MEIOC: variants seen among roughly 807,000 people sequenced by gnomAD.
MEIOC encodes the protein meiosis specific with coiled-coil domain, also known as meiosis-specific coiled-coil domain-containing protein MEIOC.
Under a neutral mutation model 85.3 loss-of-function variants are expected in MEIOC, and 9 were observed. That is an observed-to-expected ratio of 0.11 (90% CI 0.06 to 0.18). MEIOC has a LOEUF of 0.18. Ranked by LOEUF, MEIOC falls within the 10% of genes least tolerant of loss-of-function variation. The pLI is 1.00. For synonymous variants in MEIOC, 365 were observed against 393.7 expected, an observed-to-expected ratio of 0.93 and a Z score of 0.86; for missense variants, 898 against 1,129.4, an observed-to-expected ratio of 0.80 and a Z score of 2.94.
rs1244153135 is a variant in MEIOC, at chr17:44,656,584, C to T, written c.-30C>T. On this transcript the variant is annotated 5_prime_UTR_variant, in exon 1 of 8. Coordinates refer to ENST00000409122, the MANE Select transcript of MEIOC (RefSeq NM_001145080.3). Reference sequence around the variant, plus strand: ...TCACCCCCGTACCCCAGGAGCTGTGCCTAGTCCAGGAGAGGCTGGGGGGCG... The same window carrying T: ...TCACCCCCGTACCCCAGGAGCTGTGTCTAGTCCAGGAGAGGCTGGGGGGCG... The T allele has an allele frequency of 1.1e-5, 16 of 1,439,378 alleles. No individual in the cohort carries two copies. Among genetic ancestry groups the T allele is most frequent in the Non-Finnish European group, 1.5e-5 (16 of 1,091,302 alleles). 89.2% of individuals were successfully genotyped at this position (1,439,378 alleles called of 1,614,324 possible). A position where few individuals can be genotyped will look rare whatever the true frequency, so the allele number is the denominator to read the frequency against.
intron 5 of MEIOC, 79 bp downstream of exon 5, chr17:44,668,312 A>G (rs1177599388): frequency 2.4e-6 from 3 of 1,253,808 alleles, no homozygotes; most frequent in East Asian, 4.6e-5. Context: ...AGTGTAGTGT[A>G]AGAGTACTTG....
At position 44,668,140 on chromosome 17, in the gene MEIOC, A is replaced by C; in HGVS notation, c.2229A>C (p.Pro743=). 2.5e-6 allele frequency: 4 copies of C among 1,613,990 alleles called. No individual in the cohort carries two copies. Among genetic ancestry groups the C allele is most frequent in the Non-Finnish European group, 3.4e-6 (4 of 1,179,866 alleles). The change falls in exon 5 of 8, where the codon CCA becomes CCC. Residue 743 remains proline (P), a synonymous_variant. Transcript: ENST00000409122. ...GLMPTFGFQR[P]IKTRSGPASE... ...TGCCAACTTTTGGATTTCAAAGACC[A>C]ATTAAAACCCGTAGTGGACCAGCCA...
chr17:44,676,640 G>A (rs1037513306), downstream of MEIOC, among the ~76,000 whole-genome samples: 4 of 152,208 alleles, frequency 2.6e-5, no homozygotes, highest in Middle Eastern at 3.4e-3. Context: ...GGCTAACACG[G>A]TGAAACCCCA....
intron 6 of MEIOC, 167 bp downstream of exon 6, chr17:44,669,684 A>C: frequency 1.7e-6 from 1 of 596,956 alleles, no homozygotes; most frequent in East Asian, 3.1e-5. Context: ...TTATGGTGAA[A>C]CCCCGTCTCT....
intron 5 of MEIOC, among the ~76,000 whole-genome samples, 187 bp from the exon 6 acceptor site, chr17:44,669,196 C>G (rs895662332): frequency 6.6e-6 from 1 of 151,736 alleles, no homozygotes; most frequent in Non-Finnish European, 1.5e-5. Flanking sequence ...GAGTGAGACT[C>G]CATCTGAAAA....
Position 44,675,187 on chromosome 17 carries a change from G to T in MEIOC, c.*991G>T, listed in dbSNP as rs1972059453. The T allele has an allele frequency of 1.0e-6, 1 of 984,484 alleles. No individual in the cohort carries two copies. The highest frequency in any genetic ancestry group is 1.2e-6 in the Non-Finnish European group (1 of 829,670). The allele number at this position is 984,484 out of a possible 1,614,324, so 61.0% of individuals were successfully genotyped here. On this transcript the variant is annotated 3_prime_UTR_variant, in exon 8 of 8. Transcript: ENST00000409122. ...AAGTTCTAAAATGTATTTTTTAAAG[G>T]TTAATCTCTAACTAGTTTAGCTTGC...
intron 5 of MEIOC, 80 bp from the exon 6 acceptor site, chr17:44,669,303 T>G (rs1172389587): frequency 8.6e-7 from 1 of 1,167,168 alleles, no homozygotes; most frequent in East Asian, 2.6e-5. Context: ...ACTCTATTTA[T>G]TAGGCTTACG....
At chr17:44,668,627 G>A (rs945866275) in intron 5 of MEIOC, among the ~76,000 whole-genome samples, 5 of 152,086 alleles carry the variant, frequency 3.3e-5, no homozygotes, top group Admixed American at 6.6e-5. Context: ...CACTGCACCC[G>A]GCTAACTTGC....
At chr17:44,669,252 T>G in intron 5 of MEIOC, 131 bp from the exon 6 acceptor site, 1 of 717,680 alleles carries the variant, frequency 1.4e-6, no homozygotes, top group Non-Finnish European at 2.3e-6. Flanking sequence ...ACATTTGTTG[T>G]CTTTTGATAC....
chr17:44,676,747 G>T (rs532680216), downstream of MEIOC, among the ~76,000 whole-genome samples: 1 of 152,080 alleles, frequency 6.6e-6, no homozygotes, highest in African/African-American at 2.4e-5. Context: ...ACTTGAACCC[G>T]CAAGGTGGAG....
At chr17:44,673,912 G>C in intron 7 of MEIOC, 64 bp from the exon 8 acceptor site, 2 of 1,506,030 alleles carry the variant, frequency 1.3e-6, no homozygotes, top group East Asian at 2.5e-5. Context: ...ACTGGGTTTT[G>C]TAAGATTTAA....
At chr17:44,671,799 G>A (rs1055351361) in intron 6 of MEIOC, among the ~76,000 whole-genome samples, 4 of 151,744 alleles carry the variant, frequency 2.6e-5, no homozygotes, top group African/African-American at 9.7e-5. Flanking sequence ...CCAGCTACTC[G>A]GGAGGCTGAG....
At position 44,664,438 on chromosome 17, in the gene MEIOC, C is replaced by T. The variant is rs117992216; in HGVS notation, c.360-946C>T. On this transcript the variant is annotated intron_variant, in intron 3 of 7. Coordinates refer to ENST00000409122, the MANE Select transcript of MEIOC (RefSeq NM_001145080.3). ...GGTTGAGCATCCCAATCTGAAAATC[C>T]GAAATCCAGACTGATCCAAAATCCA... 5.1e-4 allele frequency among the ~76,000 whole-genome samples: 77 copies of T among 152,068 alleles called. 1 individual carries two copies. The East Asian group carries it at 0.013, about 26-fold the overall frequency.
intron 7 of MEIOC, 164 bp from the exon 8 acceptor site, chr17:44,673,812 A>G: frequency 1.2e-6 from 1 of 845,260 alleles, no homozygotes; most frequent in South Asian, 1.9e-5. Context: ...ATACTTTTAA[A>G]TATTTTAATG....
chr17:44,669,566 T>G (rs1171357025), intron 6 of MEIOC, 49 bp downstream of exon 6: 2 of 1,546,752 alleles, frequency 1.3e-6, no homozygotes, highest in African/African-American at 2.7e-5. Context: ...GTTAAATTTT[T>G]TTTAAGTTTC....
At position 44,674,884 on chromosome 17, in the gene MEIOC, A is replaced by G. The variant is rs988358338; in HGVS notation, c.*688A>G. ...TAAAACCTATTCAGATCATTTGTGT[A>G]TATTCTTTAAATTTTAATTATATTA... On this transcript the variant is annotated 3_prime_UTR_variant, in exon 8 of 8. Coordinates refer to ENST00000409122, the MANE Select transcript of MEIOC (RefSeq NM_001145080.3). The G allele has an allele frequency of 3.9e-5, 38 of 970,854 alleles. No individual in the cohort carries two copies. The highest frequency in any genetic ancestry group is 4.5e-5 in the Non-Finnish European group (37 of 816,798). The allele number at this position is 970,854 out of a possible 1,614,324, so 60.1% of individuals were successfully genotyped here. A position where few individuals can be genotyped will look rare whatever the true frequency, so the allele number is the denominator to read the frequency against.
At chr17:44,658,122 G>C (rs1406712594) in intron 2 of MEIOC, among the ~76,000 whole-genome samples, 1 of 148,618 alleles carries the variant, frequency 6.7e-6, no homozygotes, top group African/African-American at 2.5e-5. Context: ...AAAGTGCTAG[G>C]ATTTCAGGCC....
In MEIOC at chr17:44,656,468, A is replaced by C. The variant is rs1971754758; in HGVS notation, c.-146A>C. Reference sequence around the variant, plus strand: ...CCCCGCTCGGACTTCCCTTACCCGCACACTGGCTCCAGGCAGCGCCCGGGC... The same window carrying C: ...CCCCGCTCGGACTTCCCTTACCCGCCCACTGGCTCCAGGCAGCGCCCGGGC... On this transcript the variant is annotated 5_prime_UTR_variant, in exon 1 of 8. Coordinates refer to ENST00000409122, the MANE Select transcript of MEIOC (RefSeq NM_001145080.3). 1 of 531,676 alleles carries C rather than the reference A, an allele frequency of 1.9e-6. No homozygotes were observed. The allele number at this position is 531,676 out of a possible 1,614,324, so 32.9% of individuals were successfully genotyped here.
At chr17:44,675,946 A>G (rs1972069501), downstream of MEIOC, 1 of 206,752 alleles carries the variant, frequency 4.8e-6, no homozygotes, top group Admixed American at 6.5e-5. Flanking sequence ...TTATAAATCA[A>G]TGCCATTCAG....
Sources: allele counts gnomAD v4.1 joint callset (sites outside exome capture counted in the v4.1 genomes callset), GRCh38; gene constraint gnomAD v4.1.1; transcripts MANE v1.5; gene names NCBI Gene and HGNC (gene_info 2026-07-23, HGNC 2026-07-21).